The following DCC variants were observed in gnomAD, a reference collection of about 807,000 sequenced individuals.
DCC encodes netrin receptor DCC.
In DCC, 58 loss-of-function variants were observed where a neutral mutation model predicts 172.5. The observed-to-expected ratio is 0.34, with a 90% CI of 0.27 to 0.42. The LOEUF is 0.42. Among genes scored for constraint, DCC ranks in the 10% least tolerant of loss-of-function variants. The pLI, the probability that DCC is intolerant of heterozygous loss-of-function variation, is 1.00. For missense variants in DCC, 1,740 were observed against 1,791.0 expected (o/e 0.97, Z 0.51); for synonymous variants, 709 against 644.5 (o/e 1.10, Z -1.52).
At chr18:52,504,196 ATACTC>A (rs1236043025) in intron 1 of DCC, among the ~76,000 whole-genome samples, 1 of 151,998 alleles carries the variant, frequency 6.6e-6, no homozygotes, top group Non-Finnish European at 1.5e-5. Flanking sequence ...TATTCTCTTA[ATACTC>A]TACTCTATAT....
At chr18:52,962,354 A>G (rs1390993264) in intron 5 of DCC, among the ~76,000 whole-genome samples, 4 of 150,732 alleles carry the variant, frequency 2.7e-5, no homozygotes, top group Non-Finnish European at 4.5e-5. Context: ...ACATGAAAAA[A>G]TGCTCATCAT....
Position 52,786,306 on chromosome 18 carries a change from C to G in DCC, c.412+33932C>G, listed in dbSNP as rs28842312. On this transcript the variant is annotated intron_variant, in intron 2 of 28. Transcript: ENST00000442544. ...GTTACCCATCCCTTTTTGTTTCTTC[C>G]AAGCTGCAGGAAATCACCATTTGAT... 5.7e-3 allele frequency among the ~76,000 whole-genome samples: 863 copies of G among 152,006 alleles called. 7 individuals carry two copies. Among genetic ancestry groups the G allele is most frequent in the African/African-American group, 0.019 (799 of 41,468 alleles).
intron 5 of DCC, among the ~76,000 whole-genome samples, chr18:53,029,857 G>T (rs189325691): frequency 5.1e-4 from 78 of 152,134 alleles, no homozygotes; most frequent in Non-Finnish European, 7.6e-4. Context: ...AGCTTGCCTG[G>T]TCTCTTAAAG....
chr18:53,285,384 G>A (rs2056923708), intron 12 of DCC, among the ~76,000 whole-genome samples: 1 of 152,168 alleles, frequency 6.6e-6, no homozygotes, highest in Admixed American at 6.5e-5. Context: ...AGAGGCCAAG[G>A]TACAGCTCTA....
Position 53,397,363 on chromosome 18 carries a change from T to C in DCC, c.2744T>C (p.Met915Thr). 6.2e-7 allele frequency: 1 copy of C among 1,613,896 alleles called. No individual in the cohort carries two copies. Among genetic ancestry groups the C allele is most frequent in the African/African-American group, 1.3e-5 (1 of 75,016 alleles). Residue 915 changes from methionine (M) to threonine (T), a missense_variant, in exon 18 of 29, where the codon ATG becomes ACG. This residue lies in a region of DCC where 1,732 missense variants were observed against 1,767.4 expected (regional missense o/e 0.98). Coordinates refer to ENST00000442544, the MANE Select transcript of DCC (RefSeq NM_005215.4). ...GCAACAGGCCTCAAACCAAACACAA[T>C]GTATGAATTCTCGGTCATGGTAACA... is the stretch of plus-strand genomic sequence containing the variant. ...YTATGLKPNT[M>T]YEFSVMVTKN...
At chr18:53,513,646 AAGGC>A (rs2046290980) in intron 27 of DCC, among the ~76,000 whole-genome samples, 1 of 152,136 alleles carries the variant, frequency 6.6e-6, no homozygotes, top group Non-Finnish European at 1.5e-5. Flanking sequence ...AAAACAAAAA[AAGGC>A]AGGGGTTGCA....
intron 3 of DCC, among the ~76,000 whole-genome samples, chr18:52,907,307 C>CATATGATATATACATATGT (rs1555680326): frequency 9.9e-6 from 1 of 101,516 alleles, no homozygotes; most frequent in Non-Finnish European, 2.0e-5. Flanking sequence ...TGGATATATA[C>CATATGATATATACATATGT]ATATGTATAT....
At chr18:53,244,864 C>T (rs2056347151) in intron 12 of DCC, among the ~76,000 whole-genome samples, 1 of 151,932 alleles carries the variant, frequency 6.6e-6, no homozygotes, top group Admixed American at 6.6e-5. Context: ...TATGAGATAC[C>T]CAAATTTAGA....
chr18:53,143,431 A>T (rs2043860293), intron 7 of DCC, among the ~76,000 whole-genome samples: 2 of 152,192 alleles, frequency 1.3e-5, no homozygotes, highest in African/African-American at 2.4e-5. Context: ...CAGATTTCCT[A>T]TCCCTTACCT....
intron 1 of DCC, among the ~76,000 whole-genome samples, chr18:52,386,917 C>T (rs554348293): frequency 1.2e-4 from 18 of 152,124 alleles, no homozygotes; most frequent in South Asian, 6.2e-4. Context: ...GATACCATTA[C>T]GGGAGTAGCT....
intron 18 of DCC, among the ~76,000 whole-genome samples, chr18:53,399,546 A>C (rs1384517742): frequency 1.3e-5 from 2 of 152,152 alleles, no homozygotes; most frequent in African/African-American, 4.8e-5. Context: ...TCTGAAACTT[A>C]AATGTTACCT....
intron 23 of DCC, among the ~76,000 whole-genome samples, chr18:53,458,156 C>G (rs1017948757): frequency 6.6e-6 from 1 of 152,118 alleles, no homozygotes; most frequent in African/African-American, 2.4e-5. Context: ...GCTGTCAAAA[C>G]TAGATTTTAA....
At chr18:52,682,591 C>G (rs1038867213) in intron 1 of DCC, among the ~76,000 whole-genome samples, 1 of 152,052 alleles carries the variant, frequency 6.6e-6, no homozygotes, top group Admixed American at 6.6e-5. Flanking sequence ...TTTCACTAAA[C>G]GCCAAGCATC....
intron 15 of DCC, among the ~76,000 whole-genome samples, chr18:53,358,110 C>A (rs1172398446): frequency 6.6e-6 from 1 of 151,926 alleles, no homozygotes; most frequent in African/African-American, 2.4e-5. Flanking sequence ...TTACTATATT[C>A]TAAATGTGAG....
chr18:52,377,602 CAG>C (rs752729107), intron 1 of DCC, among the ~76,000 whole-genome samples: 2 of 150,782 alleles, frequency 1.3e-5, no homozygotes, highest in African/African-American at 4.9e-5. Flanking sequence ...ATAGTGAAAA[CAG>C]AGTCTTTGCC....
At chr18:53,085,989 C>CTTATTATTATTATTATTATTATTATTAT (rs1568294134) in intron 7 of DCC, among the ~76,000 whole-genome samples, 2 of 55,932 alleles carry the variant, frequency 3.6e-5, no homozygotes, top group African/African-American at 2.2e-4. Context: ...TCTTCTTCTT[C>CTTATTATTATTATTATTATTATTATTAT]TCCTTCTCCT....
intron 5 of DCC, among the ~76,000 whole-genome samples, chr18:52,949,787 G>T (rs559125921): frequency 6.6e-6 from 1 of 152,280 alleles, no homozygotes; most frequent in East Asian, 1.9e-4. Context: ...AATATATTTT[G>T]CCTGTTGCCA....
intron 5 of DCC, among the ~76,000 whole-genome samples, chr18:52,954,374 T>C (rs144868565): frequency 6.7e-4 from 102 of 152,334 alleles, no homozygotes; most frequent in South Asian, 1.9e-3. Context: ...ACCAGCTTTA[T>C]GTAATTTGTC....
chr18:52,627,419 G>T (rs1051141926), intron 1 of DCC, among the ~76,000 whole-genome samples: 1 of 152,182 alleles, frequency 6.6e-6, no homozygotes, highest in African/African-American at 2.4e-5. Context: ...CATCAACACT[G>T]CCTTCAAGTT....
Sources: gnomAD v4.1 joint callset for allele counts (sites outside exome capture counted in the v4.1 genomes callset) on GRCh38, gnomAD v4.1.1 for gene constraint, gnomAD v4.1.1 regional missense constraint, MANE v1.5 for transcripts, NCBI Gene and HGNC (gene_info 2026-07-23, HGNC 2026-07-21) for gene names.